CDC14A: variants seen among roughly 807,000 people sequenced by gnomAD.
CDC14A encodes cell division cycle 14A.
CDC14A carries 53 observed loss-of-function variants against 74.4 expected under a neutral mutation model. That is an observed-to-expected ratio of 0.71 (90% CI 0.57 to 0.89). The LOEUF (loss-of-function observed/expected upper bound fraction) is 0.89. Among genes scored for constraint, CDC14A ranks in the 40% least tolerant of loss-of-function variants. The pLI, the probability that CDC14A is intolerant of heterozygous loss-of-function variation, is 0.00. For missense variants in CDC14A, 646 were observed against 713.7 expected (o/e 0.91, Z 1.08); for synonymous variants, 247 against 258.4 (o/e 0.96, Z 0.43).
At chr1:100,406,209 C>T in intron 4 of CDC14A, among the ~76,000 whole-genome samples, 1 of 152,138 alleles carries the variant, frequency 6.6e-6, no homozygotes, top group East Asian at 1.9e-4. Context: ...ATCCCCTGCT[C>T]ACTTTTCAAT....
chr1:100,424,168 A>G (rs1662677168), intron 4 of CDC14A, 54 bp from the exon 5 acceptor site: 1 of 1,318,334 alleles, frequency 7.6e-7, no homozygotes, highest in Non-Finnish European at 1.1e-6. Flanking sequence ...TTGGTGAGTA[A>G]TTAGTTTTGT....
At chr1:100,461,810 A>T (rs1667341567) in intron 8 of CDC14A, among the ~76,000 whole-genome samples, 1 of 152,252 alleles carries the variant, frequency 6.6e-6, no homozygotes, top group Non-Finnish European at 1.5e-5. Flanking sequence ...AACTAAAAAA[A>T]TTTATATTTT....
intron 8 of CDC14A, among the ~76,000 whole-genome samples, chr1:100,457,087 G>T (rs1440234649): frequency 1.3e-5 from 2 of 152,180 alleles, no homozygotes. Context: ...TGTTAGTAGG[G>T]ATATTGTTTC....
intron 4 of CDC14A, among the ~76,000 whole-genome samples, chr1:100,398,663 G>A (rs1658868902): frequency 6.6e-6 from 1 of 152,104 alleles, no homozygotes; most frequent in African/African-American, 2.4e-5. Context: ...TTAAAATGTG[G>A]GACAGGTGAG....
chr1:100,457,422 TATGACTGTGCC>T (rs754989687), intron 8 of CDC14A, among the ~76,000 whole-genome samples: 35 of 152,204 alleles, frequency 2.3e-4, no homozygotes, highest in Admixed American at 4.6e-4. Flanking sequence ...TGTTCTACCA[TATGACTGTGCC>T]ATATTGTGTT....
At chr1:100,362,713 G>T (rs146910583) in intron 2 of CDC14A, among the ~76,000 whole-genome samples, 1,738 of 152,242 alleles carry the variant, frequency 0.011, 31 homozygotes, top group African/African-American at 0.04. Flanking sequence ...GAGCACCAAA[G>T]AATTTTATGT....
chr1:100,353,939 T>G, intron 2 of CDC14A, 87 bp downstream of exon 2: 2 of 727,160 alleles, frequency 2.8e-6, no homozygotes, highest in Non-Finnish European at 4.8e-6. Flanking sequence ...GGCAGTTTTA[T>G]TCATTTCCCC....
chr1:100,353,878 C>A, intron 2 of CDC14A, 26 bp downstream of exon 2: 1 of 1,330,474 alleles, frequency 7.5e-7, no homozygotes, highest in South Asian at 1.2e-5. Flanking sequence ...GTTTTTTTTT[C>A]TCTTGGCCAT....
At chr1:100,497,635 A>AT (rs2101434388) in intron 13 of CDC14A, among the ~76,000 whole-genome samples, 1 of 152,300 alleles carries the variant, frequency 6.6e-6, no homozygotes, top group African/African-American at 2.4e-5. Context: ...AAGAGGATGG[A>AT]TTTGACATAT....
intron 4 of CDC14A, chr1:100,392,922 A>G: frequency 1.4e-6 from 1 of 699,006 alleles, no homozygotes; most frequent in Non-Finnish European, 2.4e-6. Flanking sequence ...TATGATTTCT[A>G]AACATTTAAA....
chr1:100,490,497 T>C (rs968368562), intron 11 of CDC14A, among the ~76,000 whole-genome samples: 8 of 152,166 alleles, frequency 5.3e-5, no homozygotes, highest in Non-Finnish European at 1.2e-4. Context: ...TTTTCAGACC[T>C]ATATTGCCTG....
intron 10 of CDC14A, among the ~76,000 whole-genome samples, chr1:100,470,609 T>A (rs1668296928): frequency 6.6e-6 from 1 of 152,094 alleles, no homozygotes; most frequent in Admixed American, 6.6e-5. Context: ...TATTAAAAAG[T>A]ATAAATAAGC....
chr1:100,459,011 G>C lies in CDC14A; in HGVS notation c.607+3519G>C, dbSNP rs78981310. Among the ~76,000 whole-genome samples, 3 of 151,650 alleles carry C rather than the reference G, an allele frequency of 2.0e-5. No homozygotes were observed. The East Asian group carries it at 5.8e-4, about 29-fold the overall frequency. On this transcript the variant is annotated intron_variant, in intron 8 of 15. Coordinates refer to ENST00000336454, the MANE Select transcript of CDC14A (RefSeq NM_003672.4). ...GATAAATGATGGATAACAGCAGAAT[G>C]AAACAGATATTTTGGATTTCAGATT...
At chr1:100,404,071 T>G (rs373485640) in intron 4 of CDC14A, among the ~76,000 whole-genome samples, 14,791 of 152,170 alleles carry the variant, frequency 0.097, 951 homozygotes, top group East Asian at 0.18. Flanking sequence ...AATAAATTCA[T>G]TAAACCCCTC....
rs758804893 is a variant in CDC14A at position 100,498,144 on chromosome 1, C to T, written c.1358C>T (p.Ser453Phe). 2 of 1,614,108 alleles carry T rather than the reference C, an allele frequency of 1.2e-6. No homozygotes were observed. Among genetic ancestry groups the T allele is most frequent in the Non-Finnish European group, 8.5e-7 (1 of 1,179,958 alleles). The change falls in exon 14 of 16, where the codon TCC (serine) becomes TTC (phenylalanine). Residue 453 changes from serine to phenylalanine, a missense_variant. By Grantham distance (155) the Ser-to-Phe change is radical. Coordinates refer to ENST00000336454, the MANE Select transcript of CDC14A (RefSeq NM_003672.4). ...TTGAAGACATCAAAAATGGCACTGT[C>T]CCCTTCAGCAACGGCCAAGAGGATC... ...VTLKTSKMALSPSATAKRINR... is the reference protein window; with the variant it reads ...VTLKTSKMALFPSATAKRINR...
intron 5 of CDC14A, among the ~76,000 whole-genome samples, chr1:100,432,826 AT>A (rs1387187676): frequency 6.6e-6 from 1 of 152,156 alleles, no homozygotes; most frequent in Non-Finnish European, 1.5e-5. Flanking sequence ...GACAGTGATG[AT>A]CTAGAGTGTT....
intron 8 of CDC14A, among the ~76,000 whole-genome samples, chr1:100,460,688 A>T (rs1433722911): frequency 6.6e-6 from 1 of 152,232 alleles, no homozygotes; most frequent in Non-Finnish European, 1.5e-5. Flanking sequence ...TTAGAAAAGC[A>T]TGTTTTCTCC....
chr1:100,415,406 C>T (rs1457269743), intron 4 of CDC14A, among the ~76,000 whole-genome samples: 1 of 152,168 alleles, frequency 6.6e-6, no homozygotes, highest in Non-Finnish European at 1.5e-5. Flanking sequence ...ACCTCATTCT[C>T]ATGAGGATTC....
At chr1:100,477,961 C>T (rs911482960) in intron 10 of CDC14A, among the ~76,000 whole-genome samples, 1 of 152,094 alleles carries the variant, frequency 6.6e-6, no homozygotes, top group African/African-American at 2.4e-5. Flanking sequence ...TATTCACTGG[C>T]AGTAAGAGAG....
Sources: gnomAD v4.1 joint callset for allele counts (sites outside exome capture counted in the v4.1 genomes callset) on GRCh38, gnomAD v4.1.1 for gene constraint, MANE v1.5 for transcripts, NCBI Gene and HGNC (gene_info 2026-07-23, HGNC 2026-07-21) for gene names.